The following GRM4 variants were observed in gnomAD, a reference collection of about 807,000 sequenced individuals.
The protein encoded by GRM4 is glutamate metabotropic receptor 4.
A neutral mutation model predicts 81.7 loss-of-function variants in GRM4; 28 were observed. That is an observed-to-expected ratio of 0.34 (90% CI 0.25 to 0.47). The LOEUF (loss-of-function observed/expected upper bound fraction) is 0.47. Among genes scored for constraint, GRM4 ranks in the 20% least tolerant of loss-of-function variants. The pLI is 1.00. For synonymous variants in GRM4, 488 were observed against 528.8 expected (o/e 0.92, Z 1.06); for missense variants, 948 against 1,290.0 (o/e 0.73, Z 4.06).
intron 1 of GRM4, among the ~76,000 whole-genome samples, chr6:34,142,912 C>T (rs1225912063): frequency 6.6e-6 from 1 of 152,228 alleles, no homozygotes; most frequent in East Asian, 1.9e-4. Context: ...CCTCCGCCTG[C>T]TCAGGACCTG....
chr6:34,137,750 A>ATT (rs5875495), intron 1 of GRM4, among the ~76,000 whole-genome samples: 1,764 of 103,690 alleles, frequency 0.017, 44 homozygotes, highest in Middle Eastern at 0.032. Flanking sequence ...TGCCCACATA[A>ATT]TTTTTTTTTT....
At chr6:34,056,510 A>AGCCC (rs1435163766) in intron 6 of GRM4, 34 bp downstream of exon 6, 11 of 1,594,258 alleles carry the variant, frequency 6.9e-6, no homozygotes, top group South Asian at 1.1e-5. Context: ...CTCCTCCTAG[A>AGCCC]GCCCGCCCGG....
chr6:34,032,066 C>T (rs1764460652), intron 9 of GRM4, among the ~76,000 whole-genome samples: 1 of 152,012 alleles, frequency 6.6e-6, no homozygotes, highest in South Asian at 2.1e-4. Context: ...CACACATCCA[C>T]CTGCACACAC....
rs200104766 is a variant in GRM4 at position 34,036,577 on chromosome 6, G to A, written c.1533C>T (p.Ser511=). 2.8e-5 allele frequency: 45 copies of A among 1,585,978 alleles called. No individual in the cohort carries two copies. Among genetic ancestry groups the A allele is most frequent in the Admixed American group, 3.4e-5 (2 of 59,184 alleles). The change falls in exon 9 of 11, where the codon AGC becomes AGT. Residue 511 remains serine, a synonymous_variant. Coordinates refer to ENST00000538487, the MANE Select transcript of GRM4 (RefSeq NM_000841.4). This position sits in a 1 kb window ranked among gnomAD's most constrained non-coding sequence, Gnocchi z 9.0. The stretch of plus-strand genomic sequence containing the variant: ...AGATGGAGCGGGGCAGCTGCTGCCC[G>A]CTCCCCGGCCAGTGCATCCGCTCTA... The part of the protein sequence containing the change: ...LRIERMHWPG[S]GQQLPRSICS...
At position 34,133,331 on chromosome 6, in the gene GRM4, G is replaced by A. The variant is rs1482882697; in HGVS notation, c.166C>T (p.Pro56Ser). The change falls in exon 2 of 11, where the codon CCG (proline) becomes TCG (serine). Residue 56 changes from proline (P) to serine (S), a missense_variant. By Grantham distance (74) the Pro-to-Ser change is moderately conservative. Transcript: ENST00000538487. This position sits in a 1 kb window ranked among gnomAD's most constrained non-coding sequence, Gnocchi z 6.5. ...CCCTCTGAGCCCCGGCCATGCACCG[G>A]GAACAGGCCTCCCAGTGTGATGTCC... is the stretch of plus-strand genomic sequence containing the variant. The part of the protein sequence containing the change: ...DGDITLGGLF[P>S]VHGRGSEGKP... 6.2e-7 allele frequency: 1 copy of A among 1,614,132 alleles called. No homozygotes were observed.
At position 34,090,408 on chromosome 6, in the gene GRM4, G is replaced by A. The variant is rs369061938; in HGVS notation, c.736+1475C>T. 7.6e-4 allele frequency among the ~76,000 whole-genome samples: 115 copies of A among 152,266 alleles called. 1 individual carries two copies. The highest frequency in any genetic ancestry group is 4.2e-3 in the South Asian group (20 of 4,812). On this transcript the variant is annotated intron_variant, in intron 3 of 10. Transcript: ENST00000538487. The surrounding 1 kb of genome is among the most constrained non-coding windows in gnomAD (Gnocchi z 5.2). ...GTGCTGTCCAGAGGTAGGTGCCCAG[G>A]TCTTGGGTCTGAGCAAAGGAGGAAA...
chr6:34,105,074 C>T (rs1474274591), intron 2 of GRM4, among the ~76,000 whole-genome samples: 1 of 152,096 alleles, frequency 6.6e-6, no homozygotes, highest in African/African-American at 2.4e-5. Context: ...GTTCTCGAGT[C>T]AAGTTAATGT....
At chr6:34,052,775 G>T (rs752848966) in intron 6 of GRM4, among the ~76,000 whole-genome samples, 3 of 152,192 alleles carry the variant, frequency 2.0e-5, no homozygotes, top group African/African-American at 4.8e-5. Context: ...GGAGGGGAAG[G>T]GCAGGGGTGG....
chr6:34,093,507 G>A (rs1418880888), intron 2 of GRM4, among the ~76,000 whole-genome samples: 1 of 152,224 alleles, frequency 6.6e-6, no homozygotes, highest in African/African-American at 2.4e-5. Flanking sequence ...AAGCTAACAA[G>A]TGACCGGGAC....
chr6:34,098,836 G>A (rs1255180307), intron 2 of GRM4, among the ~76,000 whole-genome samples: 1 of 152,202 alleles, frequency 6.6e-6, no homozygotes, highest in Non-Finnish European at 1.5e-5. Flanking sequence ...CCTGAGCAGT[G>A]CAGCCTCCCC....
intron 3 of GRM4, among the ~76,000 whole-genome samples, chr6:34,076,427 G>A (rs942063642): frequency 6.6e-6 from 1 of 150,734 alleles, no homozygotes; most frequent in Non-Finnish European, 1.5e-5. Flanking sequence ...TTTGGTGGCA[G>A]AACAGCAAGA....
Position 34,080,545 on chromosome 6 carries a change from G to C in GRM4, c.736+11338C>G, listed in dbSNP as rs1347138495. Among the ~76,000 whole-genome samples, 1 of 152,176 alleles carries C rather than the reference G, an allele frequency of 6.6e-6. No individual in the cohort carries two copies. The highest frequency in any genetic ancestry group is 1.5e-5 in the Non-Finnish European group (1 of 68,030). On this transcript the variant is annotated intron_variant, in intron 3 of 10. Transcript: ENST00000538487. This position sits in a 1 kb window ranked among gnomAD's most constrained non-coding sequence, Gnocchi z 5.4. ...GATGAATAAATTACTGTGGAGGAAA[G>C]GGATGCAAAGGCTGGAGGGCAGAAG...
Position 34,063,535 on chromosome 6 carries a change from ATGCACACACACGCACATGTGCG to A in GRM4, c.737-1529_737-1508del, listed in dbSNP as rs571891832. The A allele has an allele frequency of 9.6e-3, 1,470 of 152,838 alleles. 11 individuals are homozygous for A. The highest frequency in any genetic ancestry group is 0.015 in the Non-Finnish European group (1,014 of 68,466). The allele number at this position is 152,838 out of a possible 1,614,324, so 9.5% of individuals were successfully genotyped here. ...CACAGGACACAACACACACACACGC[ATGCACACACACGCACATGTGCG>A]TGCACACACACACACAGCTCCTCAG... On this transcript the variant is annotated intron_variant, in intron 3 of 10. Coordinates refer to ENST00000538487, the MANE Select transcript of GRM4 (RefSeq NM_000841.4).
In GRM4 at chr6:34,089,955, T is replaced by C. The variant is rs1321425466; in HGVS notation, c.736+1928A>G. Among the ~76,000 whole-genome samples, 1 of 151,746 alleles carries C rather than the reference T, an allele frequency of 6.6e-6. No individual in the cohort carries two copies. ...TGACAGAAGACAGAGAAGACAAGAG[T>C]ACAGAAACAGATGAGACCTCTAGTT... is the stretch of plus-strand genomic sequence containing the variant. On this transcript the variant is annotated intron_variant, in intron 3 of 10. Coordinates refer to ENST00000538487, the MANE Select transcript of GRM4 (RefSeq NM_000841.4). This position sits in a 1 kb window ranked among gnomAD's most constrained non-coding sequence, Gnocchi z 4.3.
rs13196979 is a variant in GRM4, at chr6:34,106,943, T to C, written c.520-14844A>G. On this transcript the variant is annotated intron_variant, in intron 2 of 10. Transcript: ENST00000538487. Reference sequence around the variant, plus strand: ...GGAAACTTTCTCCTTCCAAAGAGAATCTGGAAACTCCTGGCCTGGTGTGGA... The same window carrying C: ...GGAAACTTTCTCCTTCCAAAGAGAACCTGGAAACTCCTGGCCTGGTGTGGA... 7.9e-3 allele frequency among the ~76,000 whole-genome samples: 1,205 copies of C among 152,356 alleles called. 9 individuals carry two copies. The highest frequency in any genetic ancestry group is 0.027 in the Middle Eastern group (8 of 294).
At position 34,152,827 on chromosome 6, in the gene GRM4, G is replaced by A. The variant is rs1012632788; in HGVS notation, c.312+2252C>T. On this transcript the variant is annotated intron_variant, in intron 1 of 8. Coordinates refer to the GRM4 transcript ENST00000374177. This position sits in a 1 kb window ranked among gnomAD's most constrained non-coding sequence, Gnocchi z 4.1. ...ATGAGGCCCCCACAATGGAAGACAA[G>A]GGGGACAGGCAGGAGCAAGGTGGGA... Among the ~76,000 whole-genome samples, 7 of 152,290 alleles carry A rather than the reference G, an allele frequency of 4.6e-5. No individual in the cohort carries two copies. Among genetic ancestry groups the A allele is most frequent in the South Asian group, 2.1e-4 (1 of 4,828 alleles).
intron 2 of GRM4, among the ~76,000 whole-genome samples, chr6:34,118,270 G>A (rs1391944042): frequency 6.6e-6 from 1 of 152,186 alleles, no homozygotes; most frequent in Non-Finnish European, 1.5e-5. Flanking sequence ...ACTCACACAG[G>A]GACCCATGGC....
rs1213802501 is a variant in GRM4, at chr6:34,103,633, GGGAGGCCGGGA to G, written c.520-11545_520-11535del. 32 of 1,535,100 alleles carry G rather than the reference GGGAGGCCGGGA, an allele frequency of 2.1e-5. No homozygotes were observed. In the Admixed American group the frequency reaches 6.3e-4, roughly 30 times the overall value. The stretch of plus-strand genomic sequence containing the variant: ...TAACCTTGTCAACAGTGATCTGTGG[GGGAGGCCGGGA>G]GGAGCCCAGGCAGGCAGGGCAGAGG... On this transcript the variant is annotated intron_variant, in intron 2 of 10. Transcript: ENST00000538487.
rs1768151608 is a variant in GRM4 at position 34,090,643 on chromosome 6, G to GC, written c.736+1239dup. ...AGTCAGTGCTGCCCCACTTCCCGCC[G>GC]CCCCGCTGCCCCCTCCACCAGGTGG... On this transcript the variant is annotated intron_variant, in intron 3 of 10. Coordinates refer to ENST00000538487, the MANE Select transcript of GRM4 (RefSeq NM_000841.4). The surrounding 1 kb of genome is among the most constrained non-coding windows in gnomAD (Gnocchi z 5.2). 6.6e-6 allele frequency among the ~76,000 whole-genome samples: 1 copy of GC among 151,830 alleles called. No homozygotes were observed. Among genetic ancestry groups the GC allele is most frequent in the Non-Finnish European group, 1.5e-5 (1 of 67,924 alleles).
Sources: gnomAD v4.1 joint callset for allele counts (sites outside exome capture counted in the v4.1 genomes callset) on GRCh38, gnomAD v4.1.1 for gene constraint, Gnocchi (gnomAD v3.1) non-coding constraint, MANE v1.5 for transcripts, NCBI Gene and HGNC (gene_info 2026-07-23, HGNC 2026-07-21) for gene names.